Variants in TMEM45B observed in about 807,000 individuals in gnomAD.
TMEM45B encodes transmembrane protein 45B.
In TMEM45B, 29 loss-of-function variants were observed where a neutral mutation model predicts 27.3. The observed-to-expected ratio is 1.06, with a 90% CI of 0.79 to 1.45. The LOEUF (loss-of-function observed/expected upper bound fraction) is 1.45. Ranked by LOEUF, TMEM45B falls within the 40% of genes most tolerant of loss-of-function variation. TMEM45B has a pLI of 0.00. For missense variants in TMEM45B, 348 were observed against 343.9 expected (o/e 1.01, Z -0.09); for synonymous variants, 143 against 134.7 (o/e 1.06, Z -0.43).
At chr11:129,848,109 C>T (rs912843063) in intron 1 of TMEM45B, among the ~76,000 whole-genome samples, 5 of 151,090 alleles carry the variant, frequency 3.3e-5, no homozygotes, top group Admixed American at 1.3e-4. Flanking sequence ...ACTTCCCAGA[C>T]GGGGTGGCGG....
intron 1 of TMEM45B, among the ~76,000 whole-genome samples, chr11:129,845,159 A>G (rs1947741637): frequency 6.6e-6 from 1 of 152,170 alleles, no homozygotes; most frequent in Non-Finnish European, 1.5e-5. Context: ...CCCAAACATA[A>G]ATATGATATG....
At chr11:129,828,902 C>A (rs1213720669) in intron 1 of TMEM45B, among the ~76,000 whole-genome samples, 1 of 152,212 alleles carries the variant, frequency 6.6e-6, no homozygotes, top group Non-Finnish European at 1.5e-5. Context: ...AGAACAGCAA[C>A]TTTAGGTCAA....
chr11:129,822,883 C>T (rs2135552965), intron 1 of TMEM45B, among the ~76,000 whole-genome samples: 1 of 151,114 alleles, frequency 6.6e-6, no homozygotes, highest in African/African-American at 2.4e-5. Context: ...CTCTGTGGCC[C>T]AGGCTGGAGT....
At chr11:129,844,630 T>C (rs980046500) in intron 1 of TMEM45B, among the ~76,000 whole-genome samples, 7 of 152,254 alleles carry the variant, frequency 4.6e-5, no homozygotes, top group African/African-American at 1.7e-4. Context: ...AGGGCTGCAG[T>C]GAACTATGAT....
chr11:129,840,806 A>T (rs1947679919), intron 1 of TMEM45B, among the ~76,000 whole-genome samples: 1 of 152,004 alleles, frequency 6.6e-6, no homozygotes, highest in Admixed American at 6.6e-5. Context: ...AATCGCTTGG[A>T]GGCAGAGGTT....
At chr11:129,817,009 G>A (rs1947361094) in intron 1 of TMEM45B, among the ~76,000 whole-genome samples, 1 of 151,602 alleles carries the variant, frequency 6.6e-6, no homozygotes, top group Non-Finnish European at 1.5e-5. Flanking sequence ...GCCTCCCAAA[G>A]TGCTGGGATT....
intron 2 of TMEM45B, among the ~76,000 whole-genome samples, chr11:129,854,391 A>G (rs925151135): frequency 6.6e-6 from 1 of 152,146 alleles, no homozygotes; most frequent in Non-Finnish European, 1.5e-5. Flanking sequence ...AACCCCTAAA[A>G]GGAACAACAA....
At chr11:129,816,982 A>G (rs1487762971) in intron 1 of TMEM45B, among the ~76,000 whole-genome samples, 1 of 150,050 alleles carries the variant, frequency 6.7e-6, no homozygotes, top group African/African-American at 2.5e-5. Flanking sequence ...TCCTGACCTC[A>G]TGATCCACCC....
chr11:129,827,575 AG>A (rs1045965937), intron 1 of TMEM45B, among the ~76,000 whole-genome samples: 1 of 152,076 alleles, frequency 6.6e-6, no homozygotes, highest in African/African-American at 2.4e-5. Context: ...AGGCGGAGGC[AG>A]GCAGATCACG....
chr11:129,831,285 C>G (rs1947543775), intron 1 of TMEM45B, among the ~76,000 whole-genome samples: 5 of 152,180 alleles, frequency 3.3e-5, no homozygotes, highest in Admixed American at 2.6e-4. Flanking sequence ...TTGACAACTT[C>G]TCTTTGGCAT....
At chr11:129,851,039 T>C (rs1221428537) in intron 1 of TMEM45B, among the ~76,000 whole-genome samples, 1 of 152,214 alleles carries the variant, frequency 6.6e-6, no homozygotes, top group Non-Finnish European at 1.5e-5. Flanking sequence ...GACTGGGTAA[T>C]TTATAAAGAA....
Position 129,837,585 on chromosome 11 carries a change from C to CTTTTTTTTTTTT in TMEM45B, c.-8-14886_-8-14875dup, listed in dbSNP as rs200040338. ...TACAGGCATGAGCCACTGCACTGGG[C>CTTTTTTTTTTTT]TTTTTTTTTTTTTTTGAGACAGGGT... is the stretch of plus-strand genomic sequence containing the variant. On this transcript the variant is annotated intron_variant, in intron 1 of 5. Transcript: ENST00000281441. Among the ~76,000 whole-genome samples, 45 of 80,270 alleles carry CTTTTTTTTTTTT rather than the reference C, an allele frequency of 5.6e-4. 7 individuals are homozygous for CTTTTTTTTTTTT. Among genetic ancestry groups the CTTTTTTTTTTTT allele is most frequent in the African/African-American group, 1.0e-3 (24 of 23,182 alleles). 52.7% of individuals were successfully genotyped at this position (80,270 alleles called of 152,430 possible).
Position 129,858,565 on chromosome 11 carries a change from C to A in TMEM45B, c.717-9C>A. The A allele has an allele frequency of 6.4e-7, 1 of 1,571,592 alleles. No homozygotes were observed. Among genetic ancestry groups the A allele is most frequent in the South Asian group, 1.2e-5 (1 of 85,618 alleles). ...TGGCTAATTGGCTCTTACTCTTTCTCTATTAAAGCCTTTTGACTCGGATGA... is the reference window on the plus strand; with the variant it reads ...TGGCTAATTGGCTCTTACTCTTTCTATATTAAAGCCTTTTGACTCGGATGA... On this transcript the variant is annotated splice_polypyrimidine_tract_variant and intron_variant, in intron 5 of 5. Transcript: ENST00000281441.
rs528317867 is a variant in TMEM45B, at chr11:129,833,898, C to G, written c.-9+18000C>G. Among the ~76,000 whole-genome samples, 30 of 152,346 alleles carry G rather than the reference C, an allele frequency of 2.0e-4. 1 individual carries two copies. The South Asian group carries it at 5.4e-3, about 27-fold the overall frequency. ...TCAGAAGAAACCCATTCTGCCAATG[C>G]ATTGGTCTCAGACTTCTAGCTTCCA... On this transcript the variant is annotated intron_variant, in intron 1 of 5. Transcript: ENST00000281441.
chr11:129,826,375 G>A (rs1032408733), intron 1 of TMEM45B, among the ~76,000 whole-genome samples: 7 of 151,568 alleles, frequency 4.6e-5, no homozygotes, highest in African/African-American at 9.7e-5. Flanking sequence ...CAGTGAAACC[G>A]TGTGCCTACT....
At chr11:129,838,472 T>A (rs1163491951) in intron 1 of TMEM45B, among the ~76,000 whole-genome samples, 1 of 152,196 alleles carries the variant, frequency 6.6e-6, no homozygotes, top group Non-Finnish European at 1.5e-5. Context: ...TTTATCTTAA[T>A]TTTTTTGTGA....
At chr11:129,840,728 C>CA (rs963214594) in intron 1 of TMEM45B, among the ~76,000 whole-genome samples, 10 of 151,280 alleles carry the variant, frequency 6.6e-5, no homozygotes, top group African/African-American at 2.4e-4. Context: ...ACTAAAAATA[C>CA]AAAAAAATTA....
chr11:129,838,072 G>A lies in TMEM45B; in HGVS notation c.-8-14403G>A, dbSNP rs11601888. Among the ~76,000 whole-genome samples the A allele has an allele frequency of 4.0e-3, 602 of 152,118 alleles. 2 individuals carry two copies. Among genetic ancestry groups the A allele is most frequent in the Non-Finnish European group, 6.1e-3 (414 of 67,986 alleles). Reference sequence around the variant, plus strand: ...GCTGGGATTACAGGCGTGAGCCACCGCGTGCAGCCCCCAGGCTAGTCTTAA... The same window carrying A: ...GCTGGGATTACAGGCGTGAGCCACCACGTGCAGCCCCCAGGCTAGTCTTAA... On this transcript the variant is annotated intron_variant, in intron 1 of 5. Coordinates refer to ENST00000281441, the MANE Select transcript of TMEM45B (RefSeq NM_138788.5).
chr11:129,855,977 A>AG lies in TMEM45B; in HGVS notation c.570+85_570+86insG, dbSNP rs1947918918. ...TCCCAGAGAAATCCCTGACGAGAAT[A>AG]TGGGGTCTGAAAATGCAGCATTAAC... On this transcript the variant is annotated intron_variant, in intron 4 of 5. Coordinates refer to ENST00000281441, the MANE Select transcript of TMEM45B (RefSeq NM_138788.5). The AG allele has an allele frequency of 2.0e-6, 3 of 1,500,534 alleles. No homozygotes were observed. The Admixed American group carries it at 5.5e-5, about 28-fold the overall frequency. 93.0% of individuals were successfully genotyped at this position (1,500,534 alleles called of 1,614,324 possible). A position where few individuals can be genotyped will look rare whatever the true frequency, so the allele number is the denominator to read the frequency against.
Sources: allele counts gnomAD v4.1 joint callset (sites outside exome capture counted in the v4.1 genomes callset), GRCh38; gene constraint gnomAD v4.1.1; transcripts MANE v1.5; gene names NCBI Gene and HGNC (gene_info 2026-07-23, HGNC 2026-07-21).